Variants in LIPK observed in about 807,000 individuals in gnomAD.
The protein encoded by LIPK is lipase member K.
Under a neutral mutation model 48.6 loss-of-function variants are expected in LIPK, and 32 were observed. The observed-to-expected ratio is 0.66, with a 90% CI of 0.50 to 0.88. LIPK has a LOEUF of 0.88. LIPK is among the 40% of genes least tolerant of loss of function. The pLI is 0.00. For synonymous variants in LIPK, 164 were observed against 157.4 expected, an observed-to-expected ratio of 1.04 and a Z score of -0.32; for missense variants, 507 against 478.5, an observed-to-expected ratio of 1.06 and a Z score of -0.56.
At chr10:88,721,238 C>T (rs1842220394) in intron 1 of LIPK, among the ~76,000 whole-genome samples, 1 of 152,016 alleles carries the variant, frequency 6.6e-6, no homozygotes, top group South Asian at 2.1e-4. Context: ...CATGAGAAGG[C>T]AATATTCATC....
chr10:88,726,552 G>A (rs1383329348), intron 2 of LIPK, among the ~76,000 whole-genome samples: 1 of 152,120 alleles, frequency 6.6e-6, no homozygotes, highest in East Asian at 1.9e-4. Context: ...AATGTAGCTG[G>A]CCATTGGGAC....
In LIPK at chr10:88,726,687, C is replaced by T. The variant is rs941969851; in HGVS notation, c.106-108C>T. On this transcript the variant is annotated intron_variant, in intron 2 of 9. Coordinates refer to ENST00000404190, the MANE Select transcript of LIPK (RefSeq NM_001080518.2). ...CCAGCCCAGGGAACACAGTGAGACCCGTCTCAAACAAACAAACAAACAGAC... is the reference window on the plus strand; with the variant it reads ...CCAGCCCAGGGAACACAGTGAGACCTGTCTCAAACAAACAAACAAACAGAC... The T allele has an allele frequency of 7.5e-6, 5 of 666,816 alleles. No homozygotes were observed. The African/African-American group carries it at 9.1e-5, about 12-fold the overall frequency. 41.3% of individuals were successfully genotyped at this position (666,816 alleles called of 1,614,324 possible).
chr10:88,732,328 C>G (rs566702876), intron 5 of LIPK, 41 bp downstream of exon 5: 34 of 1,595,830 alleles, frequency 2.1e-5, no homozygotes, highest in Non-Finnish European at 2.6e-5. Flanking sequence ...GTCAGGGGCT[C>G]TTCTTCCATA....
intron 1 of LIPK, among the ~76,000 whole-genome samples, chr10:88,721,280 TA>T (rs1388572579): frequency 6.6e-6 from 1 of 152,006 alleles, no homozygotes; most frequent in East Asian, 1.9e-4. Context: ...GTCAAAGAAA[TA>T]AAAAAACTCA....
intron 3 of LIPK, chr10:88,727,544 ATGT>A (rs1163144935): frequency 6.3e-6 from 1 of 159,262 alleles, no homozygotes; most frequent in Non-Finnish European, 1.4e-5. Context: ...AGCCTCCACC[ATGT>A]CCATCAGGGT....
intron 1 of LIPK, among the ~76,000 whole-genome samples, chr10:88,716,356 C>CTTTTTTTTTTTTTTTTTTTTTTTTTTT: frequency 8.3e-6 from 1 of 120,338 alleles, no homozygotes; most frequent in Non-Finnish European, 1.7e-5. Context: ...AGGAAAATTT[C>CTTTTTTTTTTTTTTTTTTTTTTTTTTT]TTTTTTTTTT....
intron 1 of LIPK, among the ~76,000 whole-genome samples, chr10:88,721,452 C>G: frequency 6.6e-6 from 1 of 152,204 alleles, no homozygotes; most frequent in Non-Finnish European, 1.5e-5. Context: ...CTAAATGGAA[C>G]ACGTATAGAC....
At chr10:88,711,824 T>C (rs1038918947) in intron 1 of LIPK, among the ~76,000 whole-genome samples, 2 of 152,058 alleles carry the variant, frequency 1.3e-5, no homozygotes, top group African/African-American at 2.4e-5. Flanking sequence ...ATTTTAATAA[T>C]TTTTTAATCT....
chr10:88,715,721 TTTC>T (rs1468305535), intron 1 of LIPK, among the ~76,000 whole-genome samples: 3 of 151,932 alleles, frequency 2.0e-5, no homozygotes, highest in African/African-American at 4.8e-5. Flanking sequence ...CTTCCTTTTC[TTTC>T]TTTTTTCTTT....
chr10:88,734,787 C>T (rs1364782112), intron 6 of LIPK, among the ~76,000 whole-genome samples: 4 of 152,056 alleles, frequency 2.6e-5, no homozygotes, highest in Non-Finnish European at 5.9e-5. Context: ...AAGAGTTGTG[C>T]AACAAAAAAT....
intron 1 of LIPK, among the ~76,000 whole-genome samples, chr10:88,723,752 A>C (rs1842279213): frequency 6.6e-6 from 1 of 152,160 alleles, no homozygotes; most frequent in Non-Finnish European, 1.5e-5. Flanking sequence ...AGATATAACT[A>C]TAATTAAAAT....
At chr10:88,728,373 C>T (rs1185300389) in intron 3 of LIPK, 1 of 188,078 alleles carries the variant, frequency 5.3e-6, no homozygotes, top group Non-Finnish European at 1.1e-5. Context: ...CAGGCCTTGG[C>T]TGGGAAGGCT....
rs572704890 is a variant in LIPK at position 88,740,030 on chromosome 10, C to T, written c.851C>T (p.Ala284Val). ...RLDVYLSHNP[A>V]GTSVQNMLHW... ...GATGTTTATTTGTCACACAATCCTG[C>T]GGGAACATCTGTTCAGAATATGCTG... Residue 284 changes from alanine to valine, a missense_variant, in exon 8 of 10, where the codon GCG (alanine) becomes GTG (valine). Coordinates refer to ENST00000404190, the MANE Select transcript of LIPK (RefSeq NM_001080518.2). 179 of 1,612,258 alleles carry T rather than the reference C, an allele frequency of 1.1e-4. 2 individuals carry two copies. The South Asian group carries it at 1.6e-3, about 15-fold the overall frequency.
intron 9 of LIPK, among the ~76,000 whole-genome samples, chr10:88,748,611 C>T (rs1185892778): frequency 1.4e-4 from 19 of 137,146 alleles, no homozygotes; most frequent in African/African-American, 3.0e-4. Context: ...AGCAAGACTC[C>T]GTCTCAAAAA....
intron 6 of LIPK, among the ~76,000 whole-genome samples, chr10:88,733,221 A>G (rs576234743): frequency 6.6e-6 from 1 of 152,324 alleles, no homozygotes; most frequent in Admixed American, 6.5e-5. Context: ...CAATTCCCAA[A>G]ACCCAGGCAA....
intron 9 of LIPK, among the ~76,000 whole-genome samples, chr10:88,746,047 A>T (rs382221): frequency 0.24 from 36,452 of 152,086 alleles, 4,533 homozygotes; most frequent in East Asian, 0.37. Flanking sequence ...CATTAAATAA[A>T]GATAAAGGGT....
intron 8 of LIPK, among the ~76,000 whole-genome samples, chr10:88,740,648 G>A (rs1029917873): frequency 3.3e-5 from 5 of 151,986 alleles, no homozygotes; most frequent in African/African-American, 4.8e-5. Context: ...GTGTGCATGC[G>A]CACACACGTG....
At chr10:88,718,771 A>G (rs1274905353) in intron 1 of LIPK, among the ~76,000 whole-genome samples, 4 of 152,168 alleles carry the variant, frequency 2.6e-5, no homozygotes, top group Non-Finnish European at 4.4e-5. Flanking sequence ...GATTATAATG[A>G]TTAAGCATAT....
chr10:88,717,871 A>G (rs1419192266), intron 1 of LIPK, among the ~76,000 whole-genome samples: 1 of 151,078 alleles, frequency 6.6e-6, no homozygotes, highest in Non-Finnish European at 1.5e-5. Context: ...CTAAACTTGT[A>G]TTATTTAATG....
Sources: gnomAD v4.1 joint callset for allele counts (sites outside exome capture counted in the v4.1 genomes callset) on GRCh38, gnomAD v4.1.1 for gene constraint, MANE v1.5 for transcripts, NCBI Gene and HGNC (gene_info 2026-07-23, HGNC 2026-07-21) for gene names.